FREM1: variants seen among roughly 807,000 people sequenced by gnomAD.
FREM1 encodes FRAS1 related extracellular matrix 1, also known as FRAS1-related extracellular matrix protein 1.
FREM1 carries 220 observed loss-of-function variants against 210.1 expected under a neutral mutation model. That is an observed-to-expected ratio of 1.05 (90% CI 0.94 to 1.17). FREM1 has a LOEUF of 1.17. Among genes scored for constraint, FREM1 ranks in the 50% most tolerant of loss-of-function variants. The pLI is 0.00. For missense variants in FREM1, 3,454 were observed against 2,675.5 expected (o/e 1.29, Z -6.42); for synonymous variants, 1,189 against 980.2 (o/e 1.21, Z -3.98).
intron 3 of FREM1, among the ~76,000 whole-genome samples, 195 bp downstream of exon 3, chr9:14,863,614 T>C (rs750349577): frequency 9.2e-5 from 14 of 152,130 alleles, no homozygotes; most frequent in African/African-American, 2.4e-4. Context: ...CTAGGGAAGA[T>C]GACACAAGTG....
intron 2 of FREM1, among the ~76,000 whole-genome samples, chr9:14,866,524 A>C (rs1490185083): frequency 6.6e-6 from 1 of 152,106 alleles, no homozygotes; most frequent in African/African-American, 2.4e-5. Flanking sequence ...TACTAAGGAG[A>C]ATCTGGTCAT....
At chr9:14,842,799 G>A (rs1825918430) in intron 8 of FREM1, 139 bp from the exon 9 acceptor site, 1 of 624,110 alleles carries the variant, frequency 1.6e-6, no homozygotes. Flanking sequence ...ACTACAGATT[G>A]TTAGTGGGTT....
chr9:14,824,731 C>T, intron 11 of FREM1, 65 bp downstream of exon 11: 2 of 1,036,182 alleles, frequency 1.9e-6, no homozygotes, highest in Non-Finnish European at 2.9e-6. Flanking sequence ...ATATATTGCT[C>T]TATATTGACA....
chr9:14,745,560 T>A (rs541846292), intron 35 of FREM1, among the ~76,000 whole-genome samples: 1 of 152,214 alleles, frequency 6.6e-6, no homozygotes, highest in African/African-American at 2.4e-5. Context: ...TTTTTCTGAA[T>A]ATGGTTTGCT....
chr9:14,797,646 G>A lies in FREM1; in HGVS notation c.3695-4C>T, dbSNP rs1261573467. On this transcript the variant is annotated splice_polypyrimidine_tract_variant and splice_region_variant and intron_variant, in intron 20 of 36. Transcript: ENST00000380880. ...TGCATGTACGTCAACCTCATTCCTG[G>A]AAGAAGGAAAAAAAATAAGTAAATC... is the stretch of plus-strand genomic sequence containing the variant. 3.7e-6 allele frequency: 6 copies of A among 1,603,470 alleles called. No homozygotes were observed. The highest frequency in any genetic ancestry group is 5.1e-6 in the Non-Finnish European group (6 of 1,175,314).
intron 22 of FREM1, among the ~76,000 whole-genome samples, chr9:14,792,301 CACAGAG>C (rs1460843344): frequency 9.0e-5 from 13 of 145,012 alleles, no homozygotes; most frequent in African/African-American, 3.3e-4. Flanking sequence ...CACACACACA[CACAGAG>C]AGAGAGAGAG....
In FREM1 at chr9:14,819,653, G is replaced by C. The variant is rs11789800; in HGVS notation, c.2338-211C>G. On this transcript the variant is annotated intron_variant, in intron 13 of 36. Transcript: ENST00000380880. ...ATTCTAAGCATTAATGTGTTACAAG[G>C]AAACAAGGCAGATCTCTAAGATTGA... is the stretch of plus-strand genomic sequence containing the variant. Among the ~76,000 whole-genome samples the C allele has an allele frequency of 4.4e-3, 663 of 152,234 alleles. 4 individuals carry two copies. The highest frequency in any genetic ancestry group is 7.0e-3 in the Non-Finnish European group (478 of 68,012).
intron 1 of FREM1, among the ~76,000 whole-genome samples, chr9:14,883,147 T>A (rs1472201576): frequency 1.3e-5 from 2 of 152,110 alleles, no homozygotes; most frequent in Non-Finnish European, 2.9e-5. Flanking sequence ...AAATGTCAAA[T>A]AGAGTCTGTT....
chr9:14,775,939 C>T lies in FREM1; in HGVS notation c.4707G>A (p.Gln1569=). The change falls in exon 25 of 37, where the codon CAG becomes CAA. Residue 1569 remains glutamine, a synonymous_variant. Transcript: ENST00000380880. ...CCACATTCTTGCTGTCCACATCCTG[C>T]TGGGTGAAATTGTGTTGAAGTAGCC... The part of the protein sequence containing the change: ...GTGLLQHNFT[Q]QDVDSKNVAY... 1.2e-6 allele frequency: 2 copies of T among 1,613,964 alleles called. No homozygotes were observed. Among genetic ancestry groups the T allele is most frequent in the African/African-American group, 1.3e-5 (1 of 75,034 alleles).
chr9:14,787,731 A>G (rs1044282973), intron 23 of FREM1, among the ~76,000 whole-genome samples: 1 of 152,190 alleles, frequency 6.6e-6, no homozygotes, highest in Non-Finnish European at 1.5e-5. Context: ...TGTTGTGCTG[A>G]GCCAATGAGA....
Position 14,775,707 on chromosome 9 carries a change from CAAAAAAAAA to C in FREM1, c.4857+73_4857+81del, listed in dbSNP as rs35187926. 6 of 375,336 alleles carry C rather than the reference CAAAAAAAAA, an allele frequency of 1.6e-5. No individual in the cohort carries two copies. The East Asian group carries it at 1.7e-4, about 10-fold the overall frequency. 23.3% of individuals were successfully genotyped at this position (375,336 alleles called of 1,614,324 possible). On this transcript the variant is annotated intron_variant, in intron 25 of 36. Coordinates refer to ENST00000380880, the MANE Select transcript of FREM1 (RefSeq NM_001379081.2). Reference sequence around the variant, plus strand: ...TGGGTGACAGAGAGAGACTCCCTCTCAAAAAAAAAAAAAAAAAAAAAAAATTCTCGATGT... The same window carrying C: ...TGGGTGACAGAGAGAGACTCCCTCTCAAAAAAAAAAAAAAATTCTCGATGT...
intron 20 of FREM1, among the ~76,000 whole-genome samples, chr9:14,798,834 TGGC>T (rs1368195286): frequency 2.0e-5 from 3 of 152,016 alleles, no homozygotes; most frequent in Admixed American, 6.5e-5. Flanking sequence ...TGACCACACC[TGGC>T]TAATTTTTGT....
At chr9:14,754,344 T>C (rs1317314056) in intron 29 of FREM1, among the ~76,000 whole-genome samples, 4 of 152,160 alleles carry the variant, frequency 2.6e-5, no homozygotes, top group Non-Finnish European at 5.9e-5. Context: ...ATCTTTCCCA[T>C]ATATAACAGG....
intron 8 of FREM1, 92 bp downstream of exon 8, chr9:14,845,868 C>G: frequency 5.4e-6 from 7 of 1,296,942 alleles, no homozygotes; most frequent in Non-Finnish European, 7.5e-6. Flanking sequence ...GAAATTGGGC[C>G]CAAGAGATGC....
At position 14,860,892 on chromosome 9, in the gene FREM1, T is replaced by C. The variant is rs1265688855; in HGVS notation, c.330-1408A>G. Among the ~76,000 whole-genome samples, 117 of 84,710 alleles carry C rather than the reference T, an allele frequency of 1.4e-3. 22 individuals are homozygous for C. The highest frequency in any genetic ancestry group is 6.8e-3 in the African/African-American group (101 of 14,866). The allele number at this position is 84,710 out of a possible 152,430, so 55.6% of individuals were successfully genotyped here. On this transcript the variant is annotated intron_variant, in intron 3 of 36. Transcript: ENST00000380880. ...ATATATACGTATATATACACATATA[T>C]ACATATATACACATATACACATATA...
chr9:14,757,938 C>T (rs1265477013), intron 28 of FREM1, among the ~76,000 whole-genome samples: 7 of 152,198 alleles, frequency 4.6e-5, no homozygotes, highest in African/African-American at 1.7e-4. Context: ...CCTGTATCCA[C>T]CATATGCTGG....
chr9:14,835,263 C>G (rs534123523), intron 10 of FREM1, among the ~76,000 whole-genome samples: 1 of 152,230 alleles, frequency 6.6e-6, no homozygotes, highest in Admixed American at 6.5e-5. Context: ...GTAAGGTATA[C>G]TCCTGTAAAC....
At chr9:14,863,216 C>CT (rs1337458397) in intron 3 of FREM1, among the ~76,000 whole-genome samples, 1 of 151,612 alleles carries the variant, frequency 6.6e-6, no homozygotes, top group Non-Finnish European at 1.5e-5. Context: ...TGGTGGGCGC[C>CT]TGTAGTCCCA....
At chr9:14,857,482 T>A (rs1402568061) in intron 5 of FREM1, 71 bp downstream of exon 5, 2 of 1,284,038 alleles carry the variant, frequency 1.6e-6, no homozygotes, top group Non-Finnish European at 2.3e-6. Context: ...GGGGCGAGCA[T>A]GAGTAAGCCT....
Sources: gnomAD v4.1 joint callset for allele counts (sites outside exome capture counted in the v4.1 genomes callset) on GRCh38, gnomAD v4.1.1 for gene constraint, MANE v1.5 for transcripts, NCBI Gene and HGNC (gene_info 2026-07-23, HGNC 2026-07-21) for gene names.